Variants in SUMF1 observed in about 807,000 individuals in gnomAD.
The protein encoded by SUMF1 is sulfatase modifying factor 1.
SUMF1 carries 48 observed loss-of-function variants against 47.6 expected under a neutral mutation model. The ratio of observed to expected loss-of-function variants is 1.01; its 90% CI spans 0.80 to 1.28. The LOEUF is 1.28. Among genes scored for constraint, SUMF1 ranks in the 50% most tolerant of loss-of-function variants. The probability of loss-of-function intolerance (pLI) is 0.00; values close to 1 mark genes in which losing one functional copy is unlikely to be tolerated. For synonymous variants in SUMF1, 230 were observed against 192.1 expected (o/e 1.20, Z -1.63); for missense variants, 571 against 485.4 (o/e 1.18, Z -1.66).
At chr3:4,140,813 C>T (rs1694053609) in intron 8 of SUMF1, among the ~76,000 whole-genome samples, 1 of 151,922 alleles carries the variant, frequency 6.6e-6, no homozygotes, top group African/African-American at 2.4e-5. Context: ...ATAGAGAAAA[C>T]TCTAGCTGTA....
intron 8 of SUMF1, among the ~76,000 whole-genome samples, chr3:4,170,753 G>T (rs1559532676): frequency 6.6e-6 from 1 of 152,166 alleles, no homozygotes; most frequent in African/African-American, 2.4e-5. Context: ...TTCAACAAAT[G>T]ATGATGGAAC....
In SUMF1 at chr3:4,467,088, C is replaced by A. The variant is rs1258161162; in HGVS notation, c.158G>T (p.Gly53Val). Residue 53 changes from glycine to valine, a missense_variant, in exon 1 of 9, where the codon GGC becomes GTC. Physicochemically the swap from Gly to Val is moderately radical, Grantham distance 109. Transcript: ENST00000272902. ...ATGGGCGCCAGGCCGCTGGGGCGTG[C>A]CGCAGCCGCAAGAACCCGCAAGGGA... ...AGSLAGSCGCGTPQRPGAHGS... is the reference protein window; with the variant it reads ...AGSLAGSCGCVTPQRPGAHGS... The A allele has an allele frequency of 5.1e-6, 8 of 1,561,988 alleles. No individual in the cohort carries two copies. The Admixed American group carries it at 1.3e-4, about 26-fold the overall frequency.
chr3:4,253,624 C>A (rs1413838535), intron 8 of SUMF1, among the ~76,000 whole-genome samples: 3,228 of 151,122 alleles, frequency 0.021, 82 homozygotes, highest in African/African-American at 0.075. Context: ...CCCAAGGAAT[C>A]TCGCTGATTG....
chr3:4,112,174 T>C (rs1423889729), intron 8 of SUMF1, among the ~76,000 whole-genome samples: 1 of 152,100 alleles, frequency 6.6e-6, no homozygotes, highest in Non-Finnish European at 1.5e-5. Context: ...CAAATCAGAA[T>C]GCACTTCAAG....
chr3:4,046,856 T>C lies in SUMF1; in HGVS notation c.1191+21713A>G, dbSNP rs185333285. 1.5e-4 allele frequency among the ~76,000 whole-genome samples: 23 copies of C among 151,536 alleles called. 1 individual carries two copies. The highest frequency in any genetic ancestry group is 1.3e-3 in the Admixed American group (20 of 15,144). ...ATCTTTCAAATCACTAATCCAGTTT[T>C]GTCACTTCACTGCTTGAAACTTTCC... On this transcript the variant is annotated intron_variant and NMD_transcript_variant, in intron 9 of 12. Transcript: ENST00000448413.
chr3:4,220,736 C>G (rs1696042825), intron 8 of SUMF1, among the ~76,000 whole-genome samples: 1 of 152,108 alleles, frequency 6.6e-6, no homozygotes, highest in Non-Finnish European at 1.5e-5. Context: ...TTCCACTCTT[C>G]CTTCTGGGGC....
intron 8 of SUMF1, among the ~76,000 whole-genome samples, chr3:4,353,978 C>A (rs549072775): frequency 2.6e-5 from 4 of 152,266 alleles, no homozygotes; most frequent in African/African-American, 9.6e-5. Context: ...AGTCTTACTC[C>A]TGAGTTGCTA....
chr3:4,097,358 G>A (rs1037506788), intron 8 of SUMF1, among the ~76,000 whole-genome samples: 19 of 152,190 alleles, frequency 1.2e-4, no homozygotes, highest in African/African-American at 4.1e-4. Flanking sequence ...TTCAAGACCA[G>A]CCTGGCCAAG....
intron 8 of SUMF1, among the ~76,000 whole-genome samples, chr3:4,238,742 G>A (rs1696467751): frequency 6.6e-6 from 1 of 152,082 alleles, no homozygotes; most frequent in Admixed American, 6.5e-5. Flanking sequence ...CACTCTGATG[G>A]TAGTTTCTTT....
At chr3:4,417,326 A>C (rs1220626344) in intron 5 of SUMF1, 84 bp from the exon 6 acceptor site, 3 of 1,076,494 alleles carry the variant, frequency 2.8e-6, no homozygotes, top group Non-Finnish European at 4.3e-6. Flanking sequence ...AATGAAAAAG[A>C]GAACATTGCT....
chr3:4,283,927 T>C (rs1390044149), intron 8 of SUMF1, among the ~76,000 whole-genome samples: 2 of 152,154 alleles, frequency 1.3e-5, no homozygotes, highest in Non-Finnish European at 2.9e-5. Context: ...GGCCTCTTTC[T>C]TAAGGGCCCT....
At chr3:4,372,819 C>G (rs1700208531) in intron 8 of SUMF1, among the ~76,000 whole-genome samples, 1 of 152,356 alleles carries the variant, frequency 6.6e-6, no homozygotes, top group East Asian at 1.9e-4. Flanking sequence ...TACTCTTCAT[C>G]TACTGGAAAG....
At chr3:4,409,648 C>A (rs1019599315) in intron 7 of SUMF1, among the ~76,000 whole-genome samples, 2 of 152,194 alleles carry the variant, frequency 1.3e-5, no homozygotes, top group Non-Finnish European at 2.9e-5. Flanking sequence ...CATCTCCCAA[C>A]CACAAACCCA....
intron 8 of SUMF1, among the ~76,000 whole-genome samples, chr3:4,343,950 T>C (rs1031790388): frequency 6.6e-6 from 1 of 152,216 alleles, no homozygotes; most frequent in African/African-American, 2.4e-5. Context: ...ATTCAGCTAT[T>C]TTAAAAAGAC....
intron 2 of SUMF1, among the ~76,000 whole-genome samples, chr3:4,451,373 T>C (rs1372701977): frequency 6.6e-6 from 1 of 152,218 alleles, no homozygotes; most frequent in African/African-American, 2.4e-5. Flanking sequence ...GCATCATAAT[T>C]GAAGAAAATA....
intron 1 of SUMF1, among the ~76,000 whole-genome samples, chr3:4,454,996 T>A (rs1394149084): frequency 6.6e-6 from 1 of 152,220 alleles, no homozygotes; most frequent in Non-Finnish European, 1.5e-5. Context: ...AATTAGGCAG[T>A]GATAGTTGTA....
chr3:4,062,871 G>A (rs1695298851), intron 9 of SUMF1, among the ~76,000 whole-genome samples: 1 of 152,058 alleles, frequency 6.6e-6, no homozygotes, highest in Non-Finnish European at 1.5e-5. Flanking sequence ...AGATAACAGG[G>A]AAGTCTAATA....
At chr3:4,114,771 G>A (rs1033480142) in intron 8 of SUMF1, among the ~76,000 whole-genome samples, 2 of 152,124 alleles carry the variant, frequency 1.3e-5, no homozygotes, top group Non-Finnish European at 2.9e-5. Flanking sequence ...ATTTGTCCAT[G>A]TGCATTAGAC....
intron 8 of SUMF1, among the ~76,000 whole-genome samples, chr3:4,102,196 T>G (rs544342745): frequency 6.6e-6 from 1 of 152,240 alleles, no homozygotes; most frequent in Admixed American, 6.5e-5. Flanking sequence ...ACATAATTTC[T>G]GGAATATTCT....
Sources: gnomAD v4.1 joint callset for allele counts (sites outside exome capture counted in the v4.1 genomes callset) on GRCh38, gnomAD v4.1.1 for gene constraint, MANE v1.5 for transcripts, NCBI Gene and HGNC (gene_info 2026-07-23, HGNC 2026-07-21) for gene names.